SLC41A3: variants seen among roughly 807,000 people sequenced by gnomAD.
SLC41A3 encodes solute carrier family 41 member 3.
SLC41A3 carries 44 observed loss-of-function variants against 45.4 expected under a neutral mutation model. The observed-to-expected ratio is 0.97, with a 90% CI of 0.76 to 1.25. The LOEUF (loss-of-function observed/expected upper bound fraction) is 1.25, where lower values mean the gene tolerates loss of function less well. SLC41A3 is among the 50% of genes most tolerant of loss of function. The pLI is 0.00. For synonymous variants in SLC41A3, 256 were observed against 252.4 expected, an observed-to-expected ratio of 1.01 and a Z score of -0.13; for missense variants, 550 against 600.6, an observed-to-expected ratio of 0.92 and a Z score of 0.88.
intron 1 of SLC41A3, among the ~76,000 whole-genome samples, chr3:126,081,651 A>G (rs565419244): frequency 1.0e-3 from 156 of 152,338 alleles, no homozygotes; most frequent in Middle Eastern, 3.4e-3. Flanking sequence ...TTTAATATAA[A>G]TAAATGAACC....
At chr3:126,085,508 G>C (rs1945360910), upstream of SLC41A3, 1 of 152,182 alleles carries the variant, frequency 6.6e-6, no homozygotes, top group Admixed American at 6.5e-5. Flanking sequence ...GATGGAACTG[G>C]TTAAGTTCTC....
chr3:126,090,261 TAGA>T (rs1360241089), intron 1 of SLC41A3, among the ~76,000 whole-genome samples: 2 of 152,282 alleles, frequency 1.3e-5, no homozygotes, highest in East Asian at 3.9e-4. Context: ...AAAGCCAACT[TAGA>T]AGGAGCCTAT....
chr3:126,012,585 A>G (rs1397468903), intron 9 of SLC41A3, 30 bp downstream of exon 9: 5 of 1,612,392 alleles, frequency 3.1e-6, no homozygotes, highest in East Asian at 2.2e-5. Flanking sequence ...AGAAATGGCT[A>G]TCATGGCCTC....
At chr3:126,039,667 T>C (rs1942449925) in intron 3 of SLC41A3, among the ~76,000 whole-genome samples, 1 of 152,226 alleles carries the variant, frequency 6.6e-6, no homozygotes, top group Non-Finnish European at 1.5e-5. Context: ...GGGGAAGGAA[T>C]TAAGCTTTAG....
intron 3 of SLC41A3, among the ~76,000 whole-genome samples, chr3:126,039,411 T>C (rs1219633162): frequency 6.6e-6 from 1 of 152,188 alleles, no homozygotes; most frequent in Non-Finnish European, 1.5e-5. Flanking sequence ...GTCTCTCAAT[T>C]TGGGTTTCCC....
At chr3:126,046,976 A>C (rs1233286730) in intron 3 of SLC41A3, among the ~76,000 whole-genome samples, 1 of 151,360 alleles carries the variant, frequency 6.6e-6, no homozygotes, top group African/African-American at 2.4e-5. Context: ...AAAAAAAAAA[A>C]AGAAAAGAAA....
In SLC41A3 at chr3:126,008,759, C is replaced by T; in HGVS notation, c.1227G>A (p.Val409=). Residue 409 remains valine (V), a synonymous_variant, in exon 10 of 11, where the codon GTG becomes GTA. Coordinates refer to ENST00000360370, the MANE Select transcript of SLC41A3 (RefSeq NM_017836.4). ...GGATCAGGCCTGCCAGCAGGTAGAG[C>T]ACCACAAAGGTCTGGCTGTTTATGA... ...QSVINSQTFV[V]LYLLAGLIQV... The T allele has an allele frequency of 6.2e-7, 1 of 1,614,050 alleles. No homozygotes were observed. Among genetic ancestry groups the T allele is most frequent in the East Asian group, 2.2e-5 (1 of 44,886 alleles).
intron 1 of SLC41A3, among the ~76,000 whole-genome samples, chr3:126,093,814 A>G (rs1015772972): frequency 2.0e-5 from 3 of 152,326 alleles, no homozygotes; most frequent in Admixed American, 6.5e-5. Flanking sequence ...AAGCAGCTTA[A>G]TGGGTAAATC....
intron 1 of SLC41A3, among the ~76,000 whole-genome samples, chr3:126,082,380 G>A (rs183516148): frequency 2.1e-3 from 319 of 152,324 alleles, no homozygotes; most frequent in African/African-American, 7.4e-3. Flanking sequence ...TGGTTGTCCC[G>A]ACAGGGGGTG....
At chr3:126,016,956 A>G in intron 6 of SLC41A3, 81 bp from the exon 7 acceptor site, 1 of 1,560,742 alleles carries the variant, frequency 6.4e-7, no homozygotes. Flanking sequence ...CACAAATGAG[A>G]GGTGGGTGAG....
chr3:126,076,547 T>G (rs905466166), intron 1 of SLC41A3, among the ~76,000 whole-genome samples: 1 of 152,218 alleles, frequency 6.6e-6, no homozygotes, highest in African/African-American at 2.4e-5. Flanking sequence ...TTTTATGGTA[T>G]GAACTTTATA....
chr3:126,096,679 G>A (rs1945609989), intron 1 of SLC41A3, among the ~76,000 whole-genome samples: 1 of 152,158 alleles, frequency 6.6e-6, no homozygotes, highest in African/African-American at 2.4e-5. Flanking sequence ...TTCCCATAAG[G>A]GATACTTTTA....
chr3:126,090,457 G>T (rs1945469104), intron 1 of SLC41A3, among the ~76,000 whole-genome samples: 1 of 152,082 alleles, frequency 6.6e-6, no homozygotes, highest in Non-Finnish European at 1.5e-5. Context: ...CATAATTTTT[G>T]TTTTTTAAAG....
At chr3:126,095,855 G>A (rs1050057138) in intron 1 of SLC41A3, among the ~76,000 whole-genome samples, 3 of 152,166 alleles carry the variant, frequency 2.0e-5, no homozygotes, top group Non-Finnish European at 2.9e-5. Context: ...TGTTCAGATG[G>A]TCTGAACAAA....
chr3:126,078,455 G>A (rs75469401), intron 1 of SLC41A3, among the ~76,000 whole-genome samples: 5 of 152,062 alleles, frequency 3.3e-5, no homozygotes, highest in East Asian at 1.9e-4. Context: ...CTGAGCTATC[G>A]GCCGGCTCTC....
At chr3:126,047,561 A>G (rs1943044820) in intron 3 of SLC41A3, among the ~76,000 whole-genome samples, 1 of 152,212 alleles carries the variant, frequency 6.6e-6, no homozygotes, top group South Asian at 2.1e-4. Flanking sequence ...ACAGGCATGG[A>G]GATCAATGGA....
At chr3:126,029,373 C>T (rs910094469) in intron 4 of SLC41A3, among the ~76,000 whole-genome samples, 5 of 151,852 alleles carry the variant, frequency 3.3e-5, no homozygotes, top group Admixed American at 6.6e-5. Flanking sequence ...CACTCCCTCC[C>T]CCACCACTCT....
At chr3:126,044,574 C>A (rs1194719620) in intron 3 of SLC41A3, among the ~76,000 whole-genome samples, 3 of 152,098 alleles carry the variant, frequency 2.0e-5, no homozygotes, top group African/African-American at 7.2e-5. Context: ...GGCCATGAAA[C>A]CAGTCTTAAT....
chr3:126,022,840 G>A lies in SLC41A3; in HGVS notation c.691C>T (p.Leu231Phe). ...ATPIAASLGD[L>F]ITLSILALVS... ...AAAGCCAGAATGGACAGTGTGATGA[G>A]GTCTCCCAGGCTGGCTGCAATGGGC... Residue 231 changes from leucine to phenylalanine, a missense_variant, in exon 6 of 11, where the codon CTC (leucine) becomes TTC (phenylalanine). Physicochemically the swap from Leu to Phe is conservative, Grantham distance 22. Transcript: ENST00000360370. 1.2e-6 allele frequency: 2 copies of A among 1,614,230 alleles called. No individual in the cohort carries two copies. Among genetic ancestry groups the A allele is most frequent in the Non-Finnish European group, 1.7e-6 (2 of 1,180,046 alleles).
Sources: allele counts gnomAD v4.1 joint callset (sites outside exome capture counted in the v4.1 genomes callset), GRCh38; gene constraint gnomAD v4.1.1; transcripts MANE v1.5; gene names NCBI Gene and HGNC (gene_info 2026-07-23, HGNC 2026-07-21).